NAA10: variants seen among roughly 807,000 people sequenced by gnomAD.
NAA10 encodes the protein N-alpha-acetyltransferase 10, NatA catalytic subunit, also known as N-alpha-acetyltransferase 10.
NAA10 carries 6 observed loss-of-function variants against 19.2 expected under a neutral mutation model. The observed-to-expected ratio is 0.31, with a 90% CI of 0.17 to 0.62. NAA10 has a LOEUF of 0.62. Among genes scored for constraint, NAA10 ranks in the 20% least tolerant of loss-of-function variants. The pLI, the probability that NAA10 is intolerant of heterozygous loss-of-function variation, is 0.83. For missense variants in NAA10, 101 were observed against 198.4 expected (o/e 0.51, Z 2.95); for synonymous variants, 97 against 79.9 (o/e 1.21, Z -1.14).
In NAA10 at chrX:153,929,843, A is replaced by C; in HGVS notation, c.*144T>G. 1.9e-6 allele frequency: 1 copy of C among 532,013 alleles called. No individual in the cohort carries two copies. The highest frequency in any genetic ancestry group is 3.2e-6 in the Non-Finnish European group (1 of 311,282). 43.8% of individuals were successfully genotyped at this position (532,013 alleles called of 1,213,427 possible). A position where few individuals can be genotyped will look rare whatever the true frequency, so the allele number is the denominator to read the frequency against. On this transcript the variant is annotated 3_prime_UTR_variant, in exon 8 of 8. Coordinates refer to ENST00000464845, the MANE Select transcript of NAA10 (RefSeq NM_003491.4). ...CGGGCCTGGCAGGATGCTCTGGGTC[A>C]AAAGGCCAAGGCTCACATCCCCACC... is the stretch of plus-strand genomic sequence containing the variant.
At position 153,929,840 on chromosome X, in the gene NAA10, G is replaced by A. The variant is rs1455266229; in HGVS notation, c.*147C>T. The A allele has an allele frequency of 1.9e-6, 1 of 520,389 alleles. No individual in the cohort carries two copies. Among genetic ancestry groups the A allele is most frequent in the Non-Finnish European group, 3.3e-6 (1 of 303,098 alleles). 42.9% of individuals were successfully genotyped at this position (520,389 alleles called of 1,213,427 possible). On this transcript the variant is annotated 3_prime_UTR_variant, in exon 8 of 8. Transcript: ENST00000464845. Reference sequence around the variant, plus strand: ...ACTCGGGCCTGGCAGGATGCTCTGGGTCAAAAGGCCAAGGCTCACATCCCC... The same window carrying A: ...ACTCGGGCCTGGCAGGATGCTCTGGATCAAAAGGCCAAGGCTCACATCCCC...
At chrX:153,934,586 G>T in intron 1 of NAA10, 111 bp from the exon 2 acceptor site, 2 of 674,069 alleles carry the variant, frequency 3.0e-6, no homozygotes, top group Non-Finnish European at 2.3e-6. Flanking sequence ...GGGCTGGGCA[G>T]GCACTGTGAC....
intron 3 of NAA10, chrX:153,932,900 A>C: frequency 3.1e-6 from 1 of 327,278 alleles, no homozygotes; most frequent in Non-Finnish European, 5.4e-6. Flanking sequence ...AAAAAATCAA[A>C]AAATTAGCTG....
At chrX:153,931,205 C>T (rs955304050) in intron 6 of NAA10, 27 of 936,163 alleles carry the variant, frequency 2.9e-5, no homozygotes, top group Middle Eastern at 5.0e-4. Flanking sequence ...CCAGGAAAGA[C>T]GGTGAGCCCT....
chrX:153,934,597 G>A, intron 1 of NAA10, 122 bp from the exon 2 acceptor site: 2 of 645,535 alleles, frequency 3.1e-6, no homozygotes, highest in Non-Finnish European at 5.0e-6. Flanking sequence ...GCACTGTGAC[G>A]ATCTGACTTT....
intron 6 of NAA10, chrX:153,931,250 C>G: frequency 1.1e-6 from 1 of 912,379 alleles, no homozygotes; most frequent in Admixed American, 4.9e-5. Flanking sequence ...CTACACTGGG[C>G]AGGTGTGTGT....
Position 153,930,854 on chromosome X carries a change from G to A in NAA10, c.387-7C>T. 8.3e-7 allele frequency: 1 copy of A among 1,211,879 alleles called. No individual in the cohort carries two copies. Among genetic ancestry groups the A allele is most frequent in the Non-Finnish European group, 1.1e-6 (1 of 895,525 alleles). ...GGGCTCCACTTCACTGATCCTGGGG[G>A]CAGAGGGTTAGAGAGCAAGGAGGAA... On this transcript the variant is annotated splice_polypyrimidine_tract_variant and splice_region_variant and intron_variant, in intron 6 of 7. Coordinates refer to ENST00000464845, the MANE Select transcript of NAA10 (RefSeq NM_003491.4).
rs2065169069 is a variant in NAA10, at chrX:153,932,010, G to A, written c.386+61C>T. 5.8e-6 allele frequency: 7 copies of A among 1,211,787 alleles called. No individual in the cohort carries two copies. The South Asian group carries it at 8.8e-5, about 15-fold the overall frequency. On this transcript the variant is annotated intron_variant, in intron 6 of 7. Coordinates refer to ENST00000464845, the MANE Select transcript of NAA10 (RefSeq NM_003491.4). Reference sequence around the variant, plus strand: ...GAAGGCAACTCAGCCGGTCTCAGGTGCCCTGATGGGCCAGACCTGGGATCA... The same window carrying A: ...GAAGGCAACTCAGCCGGTCTCAGGTACCCTGATGGGCCAGACCTGGGATCA...
chrX:153,934,481 G>A lies in NAA10; in HGVS notation c.22-6C>T. On this transcript the variant is annotated splice_polypyrimidine_tract_variant and splice_region_variant and intron_variant, in intron 1 of 7. Coordinates refer to ENST00000464845, the MANE Select transcript of NAA10 (RefSeq NM_003491.4). Reference sequence around the variant, plus strand: ...ATGTTCATTAGGTCCTCTGGCTGCAGGGAAGGAGGGCAGTGGAACGCGCTC... The same window carrying A: ...ATGTTCATTAGGTCCTCTGGCTGCAAGGAAGGAGGGCAGTGGAACGCGCTC... 6 of 1,181,373 alleles carry A rather than the reference G, an allele frequency of 5.1e-6. No individual in the cohort carries two copies. The highest frequency in any genetic ancestry group is 5.7e-6 in the Non-Finnish European group (5 of 873,353).
chrX:153,930,891 C>T lies in NAA10; in HGVS notation c.387-44G>A, dbSNP rs377342997. ...AGAGCAAGGAGGAAGACCTGTATCC[C>T]GGGGACACCCTCCTCCACTCCTGGT... On this transcript the variant is annotated intron_variant, in intron 6 of 7. Transcript: ENST00000464845. 5.3e-5 allele frequency: 64 copies of T among 1,209,385 alleles called. No individual in the cohort carries two copies. In the African/African-American group the frequency reaches 8.1e-4, roughly 15 times the overall value.
At chrX:153,931,743 G>A in intron 6 of NAA10, 1 of 997,771 alleles carries the variant, frequency 1.0e-6, no homozygotes, top group South Asian at 2.6e-5. Flanking sequence ...CTCAGCATCT[G>A]CTCACGCCAG....
intron 6 of NAA10, chrX:153,931,163 T>C: frequency 1.0e-6 from 1 of 972,962 alleles, no homozygotes; most frequent in Non-Finnish European, 1.3e-6. Flanking sequence ...GCCCTGTCCC[T>C]TACTGAGCTG....
chrX:153,931,978 C>T (rs1021665934), intron 6 of NAA10, 93 bp downstream of exon 6: 9 of 1,208,128 alleles, frequency 7.4e-6, no homozygotes, highest in Admixed American at 2.2e-5. Flanking sequence ...GGCCCACCCC[C>T]GACCTGGAAG....
At chrX:153,932,770 C>A in intron 3 of NAA10, 186 bp from the exon 4 acceptor site, 1 of 484,771 alleles carries the variant, frequency 2.1e-6, no homozygotes, top group Non-Finnish European at 3.6e-6. Context: ...AACCCCAAGC[C>A]TGCCGGGTGT....
At chrX:153,932,293 C>A (rs1176148361) in intron 5 of NAA10, 23 bp downstream of exon 5, 6 of 1,185,302 alleles carry the variant, frequency 5.1e-6, no homozygotes, top group Non-Finnish European at 6.9e-6. Context: ...CCTCAATCCC[C>A]CTTCCCTCAG....
chrX:153,929,991 G>A lies in NAA10; in HGVS notation c.704C>T (p.Ser235Phe). Residue 235 changes from serine (S) to phenylalanine (F), a missense_variant, in exon 8 of 8, where the codon TCC (serine) becomes TTC (phenylalanine). Physicochemically the swap from Ser to Phe is radical, Grantham distance 155. This residue lies in a region of NAA10 where 58 missense variants were observed against 75.8 expected (regional missense o/e 0.77). Coordinates refer to ENST00000464845, the MANE Select transcript of NAA10 (RefSeq NM_003491.4). Reference sequence around the variant, plus strand: ...GAGGAGGGGATGGGGCAGGCTCTAGGAGGCTGAGTCGGAGGCCTCTGAGCT... The same window carrying A: ...GAGGAGGGGATGGGGCAGGCTCTAGAAGGCTGAGTCGGAGGCCTCTGAGCT... Reference protein sequence around the residue: ...KDSSEASDSAS With the variant: ...KDSSEASDSAF The A allele has an allele frequency of 8.3e-7, 1 of 1,207,741 alleles. No individual in the cohort carries two copies. Among genetic ancestry groups the A allele is most frequent in the Non-Finnish European group, 1.1e-6 (1 of 892,201 alleles).
At chrX:153,930,259 G>A (rs1321019150) in intron 7 of NAA10, 36 bp from the exon 8 acceptor site, 1 of 1,143,720 alleles carries the variant, frequency 8.7e-7, no homozygotes, top group East Asian at 3.0e-5. Context: ...CGGGGGCAAA[G>A]AGACAGGGCC....
intron 7 of NAA10, 108 bp downstream of exon 7, chrX:153,930,655 C>CGT: frequency 2.3e-6 from 2 of 855,547 alleles, no homozygotes; most frequent in Non-Finnish European, 3.5e-6. Context: ...CTCCTGGCAA[C>CGT]GTAGCCACAA....
chrX:153,934,278 C>A, intron 2 of NAA10, 99 bp downstream of exon 2: 3 of 764,136 alleles, frequency 3.9e-6, no homozygotes, highest in South Asian at 4.5e-5. Flanking sequence ...ACCATACAGC[C>A]CCCTGGGCTC....
Sources: allele counts gnomAD v4.1 joint callset, GRCh38; gene constraint gnomAD v4.1.1; regional missense constraint gnomAD v4.1.1; transcripts MANE v1.5; gene names NCBI Gene and HGNC (gene_info 2026-07-23, HGNC 2026-07-21).